ST8SIA6: variants seen among roughly 807,000 people sequenced by gnomAD.
ST8SIA6 encodes alpha-2,8-sialyltransferase 8F.
ST8SIA6 carries 39 observed loss-of-function variants against 33.6 expected under a neutral mutation model. The observed-to-expected ratio is 1.16, with a 90% CI of 0.90 to 1.52. ST8SIA6 has a LOEUF of 1.52. Ranked by LOEUF, ST8SIA6 falls within the 40% of genes most tolerant of loss-of-function variation. ST8SIA6 has a pLI of 0.00. For missense variants in ST8SIA6, 441 were observed against 443.8 expected, an observed-to-expected ratio of 0.99 and a Z score of 0.06; for synonymous variants, 172 against 167.2, an observed-to-expected ratio of 1.03 and a Z score of -0.22.
At chr10:17,442,451 A>G (rs1037945702) in intron 2 of ST8SIA6, among the ~76,000 whole-genome samples, 3 of 152,220 alleles carry the variant, frequency 2.0e-5, no homozygotes, top group Non-Finnish European at 4.4e-5. Flanking sequence ...AAACCTGAGT[A>G]ACACTAATTT....
intron 3 of ST8SIA6, among the ~76,000 whole-genome samples, chr10:17,386,055 C>T (rs999270437): frequency 6.6e-6 from 1 of 152,096 alleles, no homozygotes; most frequent in African/African-American, 2.4e-5. Context: ...GTGGCACGCA[C>T]CTGTCTTCCT....
chr10:17,449,444 C>A (rs960458984), intron 2 of ST8SIA6, among the ~76,000 whole-genome samples: 1 of 152,122 alleles, frequency 6.6e-6, no homozygotes, highest in Non-Finnish European at 1.5e-5. Flanking sequence ...GAGTATATGA[C>A]CTTACCCTAG....
At chr10:17,357,691 C>T (rs1257595428) in intron 4 of ST8SIA6, among the ~76,000 whole-genome samples, 1 of 152,196 alleles carries the variant, frequency 6.6e-6, no homozygotes, top group African/African-American at 2.4e-5. Context: ...AGTGTCCTCA[C>T]ACAGGTGTTT....
intron 3 of ST8SIA6, among the ~76,000 whole-genome samples, chr10:17,379,136 AC>A (rs1348954286): frequency 0.039 from 4,735 of 122,232 alleles, 92 homozygotes; most frequent in African/African-American, 0.08. Context: ...CAAAAAAAAA[AC>A]AAAAACAAAA....
At chr10:17,322,297 G>A (rs1341026652) in intron 7 of ST8SIA6, among the ~76,000 whole-genome samples, 2 of 151,158 alleles carry the variant, frequency 1.3e-5, no homozygotes, top group South Asian at 2.1e-4. Flanking sequence ...GAAGGAAAGA[G>A]GGAAAGAAGA....
intron 4 of ST8SIA6, among the ~76,000 whole-genome samples, chr10:17,340,615 A>G (rs78100576): frequency 0.11 from 17,208 of 152,146 alleles, 1,076 homozygotes; most frequent in South Asian, 0.18. Context: ...ACACCCTTCT[A>G]TAGAAGTAAA....
chr10:17,452,288 A>T (rs1188725246), intron 2 of ST8SIA6, among the ~76,000 whole-genome samples: 2 of 152,238 alleles, frequency 1.3e-5, no homozygotes, highest in African/African-American at 4.8e-5. Flanking sequence ...TTATCCAGCC[A>T]CTTCCAGACC....
rs55996465 is a variant in ST8SIA6 at position 17,347,953 on chromosome 10, C to CAAAAAAAAAAAAAAAAA, written c.377+11544_377+11560dup. The stretch of plus-strand genomic sequence containing the variant: ...CCTAGGCGATGGTGAGACTCTGTCT[C>CAAAAAAAAAAAAAAAAA]AAAAAAAAAAAAAAAAAAAAAATTA... On this transcript the variant is annotated intron_variant, in intron 4 of 7. Coordinates refer to ENST00000377602, the MANE Select transcript of ST8SIA6 (RefSeq NM_001004470.3). Among the ~76,000 whole-genome samples, 192 of 68,610 alleles carry CAAAAAAAAAAAAAAAAA rather than the reference C, an allele frequency of 2.8e-3. 8 individuals are homozygous for CAAAAAAAAAAAAAAAAA. Among genetic ancestry groups the CAAAAAAAAAAAAAAAAA allele is most frequent in the Non-Finnish European group, 4.4e-3 (154 of 35,322 alleles). The allele number at this position is 68,610 out of a possible 152,430, so 45.0% of individuals were successfully genotyped here.
At chr10:17,374,209 T>TAAAA (rs34878315) in intron 3 of ST8SIA6, among the ~76,000 whole-genome samples, 1 of 147,390 alleles carries the variant, frequency 6.8e-6, no homozygotes, top group Non-Finnish European at 1.5e-5. Flanking sequence ...CTGAGGGAGT[T>TAAAA]AAAAAAAAAA....
intron 3 of ST8SIA6, among the ~76,000 whole-genome samples, chr10:17,374,743 T>TAAAAAAAA (rs1407078648): frequency 4.3e-5 from 3 of 69,824 alleles, no homozygotes; most frequent in East Asian, 6.1e-4. Context: ...AATAAATAAA[T>TAAAAAAAA]AAATAATAAA....
At chr10:17,420,634 C>G (rs1851753105) in intron 2 of ST8SIA6, among the ~76,000 whole-genome samples, 2 of 152,134 alleles carry the variant, frequency 1.3e-5, no homozygotes. Context: ...CACCCAGGCC[C>G]TCTACTTTCA....
At chr10:17,333,717 A>ATATTTTTT (rs1251981910) in intron 4 of ST8SIA6, among the ~76,000 whole-genome samples, 6 of 33,772 alleles carry the variant, frequency 1.8e-4, no homozygotes, top group African/African-American at 3.5e-4. Flanking sequence ...ATATATATAT[A>ATATTTTTT]TTTTTTTTTT....
chr10:17,359,407 G>C, intron 4 of ST8SIA6, 107 bp downstream of exon 4: 1 of 771,342 alleles, frequency 1.3e-6, no homozygotes, highest in South Asian at 2.0e-5. Context: ...CTCATTGCCA[G>C]CTGGGGTTGG....
intron 2 of ST8SIA6, among the ~76,000 whole-genome samples, chr10:17,401,662 C>G (rs1851047872): frequency 1.3e-5 from 2 of 152,068 alleles, no homozygotes; most frequent in African/African-American, 2.4e-5. Flanking sequence ...ACAAACCTGA[C>G]AAAAACAAGA....
intron 3 of ST8SIA6, among the ~76,000 whole-genome samples, chr10:17,370,225 C>A (rs565935751): frequency 2.0e-5 from 3 of 152,090 alleles, no homozygotes; most frequent in Non-Finnish European, 4.4e-5. Context: ...CCTCGTGATC[C>A]GTCCGTCTCG....
chr10:17,406,883 C>T (rs1163257183), intron 2 of ST8SIA6, among the ~76,000 whole-genome samples: 3 of 151,576 alleles, frequency 2.0e-5, no homozygotes, highest in Non-Finnish European at 4.4e-5. Context: ...AAACCTCCGC[C>T]TCCCGTGTTC....
At chr10:17,322,279 G>A (rs963273033) in intron 7 of ST8SIA6, among the ~76,000 whole-genome samples, 1 of 149,296 alleles carries the variant, frequency 6.7e-6, no homozygotes, top group African/African-American at 2.5e-5. Context: ...AAAGAAGGAG[G>A]GAGGAAGGAA....
chr10:17,452,908 G>T (rs573144014), intron 2 of ST8SIA6, among the ~76,000 whole-genome samples: 51 of 152,152 alleles, frequency 3.4e-4, no homozygotes, highest in African/African-American at 1.2e-3. Context: ...AAGACTACTG[G>T]AAGAAATATA....
chr10:17,444,435 C>CCT (rs1176190343), intron 2 of ST8SIA6, among the ~76,000 whole-genome samples: 1 of 152,176 alleles, frequency 6.6e-6, no homozygotes, highest in Non-Finnish European at 1.5e-5. Context: ...CTCCAACAAC[C>CCT]TCTGAAATGG....
Sources: gnomAD v4.1 joint callset for allele counts (sites outside exome capture counted in the v4.1 genomes callset) on GRCh38, gnomAD v4.1.1 for gene constraint, MANE v1.5 for transcripts, NCBI Gene and HGNC (gene_info 2026-07-23, HGNC 2026-07-21) for gene names.